The following PJVK variants were observed in gnomAD, a reference collection of about 807,000 sequenced individuals.
PJVK encodes pejvakin, also known as autosomal recessive deafness type 59 protein.
PJVK carries 33 observed loss-of-function variants against 37.6 expected under a neutral mutation model. That is an observed-to-expected ratio of 0.88 (90% CI 0.67 to 1.17). The LOEUF (loss-of-function observed/expected upper bound fraction) is 1.17, where lower values mean the gene tolerates loss of function less well. Among genes scored for constraint, PJVK ranks in the 50% most tolerant of loss-of-function variants. PJVK has a pLI of 0.00. For synonymous variants in PJVK, 141 were observed against 143.5 expected, an observed-to-expected ratio of 0.98 and a Z score of 0.13; for missense variants, 410 against 413.8, an observed-to-expected ratio of 0.99 and a Z score of 0.08.
Position 178,461,543 on chromosome 2 carries a change from T to C in PJVK, c.*269T>C. 1.0e-5 allele frequency: 4 copies of C among 382,302 alleles called. No individual in the cohort carries two copies. The South Asian group carries it at 1.1e-4, about 11-fold the overall frequency. The allele number at this position is 382,302 out of a possible 1,614,324, so 23.7% of individuals were successfully genotyped here. On this transcript the variant is annotated 3_prime_UTR_variant, in exon 7 of 7. Transcript: ENST00000644580. ...GAGATTATGAATCATGCCAGTCACT[T>C]TAGAATCATTTTTGGGATGTAGTCT... is the stretch of plus-strand genomic sequence containing the variant.
chr2:178,456,877 T>C (rs1684134103), intron 4 of PJVK, among the ~76,000 whole-genome samples: 1 of 152,210 alleles, frequency 6.6e-6, no homozygotes, highest in Non-Finnish European at 1.5e-5. Flanking sequence ...CATATTACTA[T>C]TTAAGTGCTG....
At chr2:178,458,401 G>A (rs1160364144) in intron 4 of PJVK, 109 bp from the exon 5 acceptor site, 5 of 877,484 alleles carry the variant, frequency 5.7e-6, no homozygotes, top group Non-Finnish European at 8.8e-6. Flanking sequence ...CTTTACTTGG[G>A]AATTTTTTGT....
chr2:178,452,484 A>G (rs1697747084), intron 1 of PJVK: 1 of 985,214 alleles, frequency 1.0e-6, no homozygotes, highest in African/African-American at 1.7e-5. Context: ...GTTTTAATGG[A>G]TATCTTATTG....
intron 4 of PJVK, among the ~76,000 whole-genome samples, chr2:178,458,049 C>G (rs2154126181): frequency 6.6e-6 from 1 of 152,276 alleles, no homozygotes; most frequent in South Asian, 2.1e-4. Flanking sequence ...AGCTGCCTGT[C>G]AAATTCTGAT....
Position 178,453,473 on chromosome 2 carries a change from G to A in PJVK, c.64G>A (p.Val22Ile). ...QVGDGGRLVP[V>I]PSLSEADKYQ... The stretch of plus-strand genomic sequence containing the variant: ...TGGAGATGGAGGGAGATTAGTTCCT[G>A]TTCCAAGCCTCAGTGAAGCTGACAA... Residue 22 changes from valine to isoleucine, a missense_variant, in exon 2 of 7, where the codon GTT becomes ATT. Transcript: ENST00000644580. 3 of 1,614,148 alleles carry A rather than the reference G, an allele frequency of 1.9e-6. No individual in the cohort carries two copies. The highest frequency in any genetic ancestry group is 2.5e-6 in the Non-Finnish European group (3 of 1,180,004).
intron 4 of PJVK, among the ~76,000 whole-genome samples, chr2:178,457,373 A>T (rs904261740): frequency 1.3e-5 from 2 of 152,206 alleles, no homozygotes; most frequent in African/African-American, 4.8e-5. Flanking sequence ...CCCAGTGCTT[A>T]GGAAGACTGA....
At chr2:178,454,578 G>A in intron 3 of PJVK, 51 bp downstream of exon 3, 1 of 1,554,478 alleles carries the variant, frequency 6.4e-7, no homozygotes, top group African/African-American at 1.4e-5. Context: ...AATACTTTAG[G>A]TATATAAACT....
At position 178,451,882 on chromosome 2, in the gene PJVK, G is replaced by A. The variant is rs1035706981; in HGVS notation, c.-23+113G>A. ...ATGCAGCACCTTTGGTGGGCCATTA[G>A]ATGACGTGTCGCTTCTCCAGGGGCT... is the stretch of plus-strand genomic sequence containing the variant. On this transcript the variant is annotated intron_variant, in intron 1 of 6. Coordinates refer to ENST00000644580, the MANE Select transcript of PJVK (RefSeq NM_001042702.5). 3.4e-5 allele frequency: 33 copies of A among 982,086 alleles called. No individual in the cohort carries two copies. In the African/African-American group the frequency reaches 5.2e-4, roughly 16 times the overall value. 60.8% of individuals were successfully genotyped at this position (982,086 alleles called of 1,614,324 possible).
At chr2:178,460,629 A>C (rs566512216) in intron 6 of PJVK, among the ~76,000 whole-genome samples, 183 bp downstream of exon 6, 75 of 152,126 alleles carry the variant, frequency 4.9e-4, no homozygotes, top group African/African-American at 1.7e-3. Context: ...GATTGCTAGC[A>C]CTCAGAAGTT....
At chr2:178,457,224 G>A (rs913602759) in intron 4 of PJVK, among the ~76,000 whole-genome samples, 6 of 152,134 alleles carry the variant, frequency 3.9e-5, no homozygotes, top group African/African-American at 9.7e-5. Context: ...GAGCCACCGC[G>A]CCTGGCCTGA....
chr2:178,454,041 A>G (rs1458514177), intron 2 of PJVK: 1 of 329,088 alleles, frequency 3.0e-6, no homozygotes, highest in Non-Finnish European at 5.9e-6. Flanking sequence ...TGATATTTTG[A>G]TGAGTTACTA....
At chr2:178,451,853 T>C (rs1697687771) in intron 1 of PJVK, 84 bp downstream of exon 1, 1 of 985,356 alleles carries the variant, frequency 1.0e-6, no homozygotes, top group African/African-American at 1.7e-5. Context: ...GGCGTTTGCC[T>C]GGGATGCAGC....
intron 1 of PJVK, chr2:178,453,115 G>T: frequency 2.7e-6 from 1 of 373,292 alleles, no homozygotes; most frequent in South Asian, 2.3e-5. Context: ...ATAGACATTG[G>T]TCATATTTTT....
chr2:178,451,655 T>C lies in PJVK; in HGVS notation c.-137T>C. 1 of 397,658 alleles carries C rather than the reference T, an allele frequency of 2.5e-6. No homozygotes were observed. Among genetic ancestry groups the C allele is most frequent in the Non-Finnish European group, 3.4e-6 (1 of 292,864 alleles). 24.6% of individuals were successfully genotyped at this position (397,658 alleles called of 1,614,324 possible). On this transcript the variant is annotated 5_prime_UTR_variant, in exon 1 of 7. Coordinates refer to ENST00000644580, the MANE Select transcript of PJVK (RefSeq NM_001042702.5). Reference sequence around the variant, plus strand: ...CGCTCCAGGGGGCTGCGGTGCGCTCTTCGGGTCCCCGAGCCCTGTGTTTAG... The same window carrying C: ...CGCTCCAGGGGGCTGCGGTGCGCTCCTCGGGTCCCCGAGCCCTGTGTTTAG...
chr2:178,455,195 A>T (rs756015688), intron 3 of PJVK: 19 of 1,586,506 alleles, frequency 1.2e-5, no homozygotes, highest in Non-Finnish European at 1.6e-5. Context: ...GGAGTGGTGG[A>T]GCCGCTTGGT....
chr2:178,452,242 G>A (rs1697718904), intron 1 of PJVK: 4 of 941,702 alleles, frequency 4.2e-6, no homozygotes, highest in South Asian at 4.9e-5. Context: ...GCAGTGAGCC[G>A]AGATCGCGCC....
At chr2:178,456,244 G>T in intron 4 of PJVK, 93 bp downstream of exon 4, 2 of 1,512,512 alleles carry the variant, frequency 1.3e-6, no homozygotes, top group Non-Finnish European at 9.0e-7. Flanking sequence ...TGTGTATTTT[G>T]TGAAATGTTC....
At position 178,454,342 on chromosome 2, in the gene PJVK, T is replaced by G; in HGVS notation, c.222T>G (p.Ser74=). The G allele has an allele frequency of 6.2e-7, 1 of 1,612,886 alleles. No individual in the cohort carries two copies. The change falls in exon 3 of 7, where the codon TCT becomes TCG. Residue 74 remains serine (S), a synonymous_variant. Coordinates refer to ENST00000644580, the MANE Select transcript of PJVK (RefSeq NM_001042702.5). The part of the protein sequence containing the change: ...GDREISAGIS[S]YQLLNYEDES... Reference sequence around the variant, plus strand: ...TTTCTTCTTATAAAGGTATTTCATCTTATCAATTACTGAATTATGAAGATG... The same window carrying G: ...TTTCTTCTTATAAAGGTATTTCATCGTATCAATTACTGAATTATGAAGATG...
intron 3 of PJVK, among the ~76,000 whole-genome samples, 156 bp from the exon 4 acceptor site, chr2:178,455,854 A>T (rs1684036997): frequency 6.6e-6 from 1 of 152,196 alleles, no homozygotes; most frequent in Admixed American, 6.5e-5. Flanking sequence ...GAGACAAATT[A>T]TTACATTTCT....
Sources: allele counts gnomAD v4.1 joint callset (sites outside exome capture counted in the v4.1 genomes callset), GRCh38; gene constraint gnomAD v4.1.1; transcripts MANE v1.5; gene names NCBI Gene and HGNC (gene_info 2026-07-23, HGNC 2026-07-21).